Variants in SLPI observed in about 807,000 individuals in gnomAD.
SLPI encodes the protein secretory leukocyte peptidase inhibitor.
SLPI carries 20 observed loss-of-function variants against 14.3 expected under a neutral mutation model. The ratio of observed to expected loss-of-function variants is 1.40; its 90% CI spans 0.99 to 2.04. SLPI has a LOEUF of 2.04. Among genes scored for constraint, SLPI ranks in the 30% most tolerant of loss-of-function variants. The pLI, the probability that SLPI is intolerant of heterozygous loss-of-function variation, is 0.00. For synonymous variants in SLPI, 68 were observed against 54.8 expected (o/e 1.24, Z -1.07); for missense variants, 169 against 159.4 (o/e 1.06, Z -0.32).
chr20:45,253,530 G>A (rs1391864726), intron 2 of SLPI, 45 bp downstream of exon 2: 1 of 1,579,808 alleles, frequency 6.3e-7, no homozygotes, highest in Admixed American at 1.7e-5. Flanking sequence ...CTAATGCTGT[G>A]TCCCCAGGCT....
chr20:45,253,172 CGGTCAGA>C (rs1568852735), intron 2 of SLPI, 21 bp from the exon 3 acceptor site: 6 of 1,611,446 alleles, frequency 3.7e-6, no homozygotes, highest in Non-Finnish European at 5.1e-6. Flanking sequence ...GTGAGGCTAC[CGGTCAGA>C]GGCCTTGTAC....
chr20:45,252,349 T>A lies in SLPI; in HGVS notation c.*66A>T, dbSNP rs1984685393. The A allele has an allele frequency of 6.4e-7, 1 of 1,559,682 alleles. No homozygotes were observed. Among genetic ancestry groups the A allele is most frequent in the African/African-American group, 1.4e-5 (1 of 73,136 alleles). ...GGAGGATATCAGTGGTGGAGCCAAGTCTCAGGGTGGAAAGGACCTGGACCA... is the reference window on the plus strand; with the variant it reads ...GGAGGATATCAGTGGTGGAGCCAAGACTCAGGGTGGAAAGGACCTGGACCA... On this transcript the variant is annotated 3_prime_UTR_variant, in exon 4 of 4. Coordinates refer to ENST00000338380, the MANE Select transcript of SLPI (RefSeq NM_003064.4).
intron 2 of SLPI, 66 bp downstream of exon 2, chr20:45,253,509 G>T (rs1568852889): frequency 6.7e-7 from 1 of 1,488,244 alleles, no homozygotes; most frequent in East Asian, 2.3e-5. Context: ...CCATCACCCA[G>T]TTCCATCCCT....
chr20:45,253,013 G>A lies in SLPI; in HGVS notation c.383C>T (p.Ser128Phe), dbSNP rs1191379009. Reference protein sequence around the residue: ...CMGMCGKSCVSPVKA With the variant: ...CMGMCGKSCVFPVKA ...CATCCCCTGCTTACCTTTCACAGGG[G>A]AAACGCAGGATTTCCCACACATGCC... Residue 128 changes from serine to phenylalanine, a missense_variant, in exon 3 of 4, where the codon TCC becomes TTC. Transcript: ENST00000338380. 4.3e-6 allele frequency: 7 copies of A among 1,613,894 alleles called. No individual in the cohort carries two copies. In the African/African-American group the frequency reaches 9.3e-5, roughly 22 times the overall value.
intron 2 of SLPI, 124 bp from the exon 3 acceptor site, chr20:45,253,275 TCAC>T (rs1462052945): frequency 8.6e-7 from 1 of 1,166,514 alleles, no homozygotes; most frequent in Non-Finnish European, 1.2e-6. Context: ...CCCACCTCTA[TCAC>T]CACCACCTTC....
In SLPI at chr20:45,252,459, C is replaced by T. The variant is rs767940465; in HGVS notation, c.395-40G>A. ...CAGATAAGAGCTTCAGCATAGAAAC[C>T]AGCCAAATCATATCCACATCCTTCC... is the stretch of plus-strand genomic sequence containing the variant. On this transcript the variant is annotated intron_variant, in intron 3 of 3. Transcript: ENST00000338380. 6.2e-6 allele frequency: 10 copies of T among 1,611,522 alleles called. No homozygotes were observed. The Admixed American group carries it at 1.5e-4, about 24-fold the overall frequency.
At chr20:45,253,510 T>A in intron 2 of SLPI, 65 bp downstream of exon 2, 1 of 1,492,230 alleles carries the variant, frequency 6.7e-7, no homozygotes, top group Non-Finnish European at 9.2e-7. Context: ...CATCACCCAG[T>A]TCCATCCCTC....
intron 2 of SLPI, 103 bp from the exon 3 acceptor site, chr20:45,253,254 A>G: frequency 7.4e-7 from 1 of 1,346,410 alleles, no homozygotes; most frequent in Non-Finnish European, 1.0e-6. Context: ...AGCAGGGGGG[A>G]TCATCCCCTC....
At chr20:45,254,176 A>T (rs773101212) in intron 1 of SLPI, among the ~76,000 whole-genome samples, 6 of 151,002 alleles carry the variant, frequency 4.0e-5, no homozygotes, top group Non-Finnish European at 7.4e-5. Flanking sequence ...AGTCGCAGAC[A>T]GGTGAAGAAG....
At chr20:45,253,209 C>T in intron 2 of SLPI, 58 bp from the exon 3 acceptor site, 1 of 1,571,524 alleles carries the variant, frequency 6.4e-7, no homozygotes, top group Non-Finnish European at 8.7e-7. Context: ...CCCCTCCCAT[C>T]CCCACTTTTT....
chr20:45,252,525 A>G (rs1984690788), intron 3 of SLPI, 106 bp from the exon 4 acceptor site: 1 of 1,161,576 alleles, frequency 8.6e-7, no homozygotes, highest in African/African-American at 1.5e-5. Flanking sequence ...AAATAGCAAG[A>G]TAGCGCTATA....
rs142807347 is a variant in SLPI, at chr20:45,252,452, T to G, written c.395-33A>C. On this transcript the variant is annotated intron_variant, in intron 3 of 3. Coordinates refer to ENST00000338380, the MANE Select transcript of SLPI (RefSeq NM_003064.4). ...AGAAAATCAGATAAGAGCTTCAGCATAGAAACCAGCCAAATCATATCCACA... is the reference window on the plus strand; with the variant it reads ...AGAAAATCAGATAAGAGCTTCAGCAGAGAAACCAGCCAAATCATATCCACA... 1,283 of 1,613,116 alleles carry G rather than the reference T, an allele frequency of 8.0e-4. 8 individuals carry two copies. In the African/African-American group the frequency reaches 0.015, roughly 19 times the overall value.
At position 45,254,489 on chromosome 20, in the gene SLPI, C is replaced by T; in HGVS notation, c.55G>A (p.Ala19Thr). ...CCAGAGCCTTCCACAGCCCAAGGTG[C>T]CAGAGTTCCCAGGGCAAGCAGCACC... ...FLVLLALGTL[A>T]PWAVEGSGKS... Residue 19 changes from alanine to threonine, a missense_variant, in exon 1 of 4, where the codon GCA becomes ACA. Transcript: ENST00000338380. 6.2e-7 allele frequency: 1 copy of T among 1,614,142 alleles called. No homozygotes were observed. The highest frequency in any genetic ancestry group is 1.7e-5 in the Admixed American group (1 of 60,004).
chr20:45,252,258 G>T lies in SLPI; in HGVS notation c.*157C>A. ...AGGATGTGCAAAGAGAAATAGGCTC[G>T]TTTATTTATTCATTGATCAACTGGC... On this transcript the variant is annotated 3_prime_UTR_variant, in exon 4 of 4. Coordinates refer to ENST00000338380, the MANE Select transcript of SLPI (RefSeq NM_003064.4). The T allele has an allele frequency of 1.6e-6, 1 of 624,484 alleles. No homozygotes were observed. Among genetic ancestry groups the T allele is most frequent in the Non-Finnish European group, 2.8e-6 (1 of 362,898 alleles). The allele number at this position is 624,484 out of a possible 1,614,324, so 38.7% of individuals were successfully genotyped here.
chr20:45,254,211 G>GAGAGAGAGAC (rs1249049550), intron 1 of SLPI, among the ~76,000 whole-genome samples: 3 of 151,398 alleles, frequency 2.0e-5, no homozygotes, highest in African/African-American at 7.3e-5. Flanking sequence ...GAGAGAGAGA[G>GAGAGAGAGAC]AGAGAGAGAG....
Position 45,253,046 on chromosome 20 carries a change from C to A in SLPI, c.350G>T (p.Cys117Phe). 1 of 1,614,216 alleles carries A rather than the reference C, an allele frequency of 6.2e-7. No homozygotes were observed. The highest frequency in any genetic ancestry group is 1.3e-5 in the African/African-American group (1 of 75,058). The change falls in exon 3 of 4, where the codon TGT (cysteine) becomes TTT (phenylalanine). Residue 117 changes from cysteine (C) to phenylalanine (F), a missense_variant. Transcript: ENST00000338380. ...GGATTTCCCACACATGCCCATGCAA[C>A]ACTTCAAGTCACGCTTGCACTGGCC... The part of the protein sequence containing the change: ...MDGQCKRDLK[C>F]CMGMCGKSCV...
Position 45,252,302 on chromosome 20 carries a change from G to C in SLPI, c.*113C>G. The C allele has an allele frequency of 1.0e-6, 1 of 964,634 alleles. No homozygotes were observed. The highest frequency in any genetic ancestry group is 1.6e-5 in the South Asian group (1 of 63,920). The allele number at this position is 964,634 out of a possible 1,614,324, so 59.8% of individuals were successfully genotyped here. A position where few individuals can be genotyped will look rare whatever the true frequency, so the allele number is the denominator to read the frequency against. On this transcript the variant is annotated 3_prime_UTR_variant, in exon 4 of 4. Coordinates refer to ENST00000338380, the MANE Select transcript of SLPI (RefSeq NM_003064.4). Reference sequence around the variant, plus strand: ...AACTGGCACTTCTTGAAAGCCTGCTGTGTGCCAAGCCTTTCCCCAAAGGAG... The same window carrying C: ...AACTGGCACTTCTTGAAAGCCTGCTCTGTGCCAAGCCTTTCCCCAAAGGAG...
chr20:45,253,070 C>T lies in SLPI; in HGVS notation c.326G>A (p.Gly109Asp), dbSNP rs1375732546. 3 of 1,613,848 alleles carry T rather than the reference C, an allele frequency of 1.9e-6. No individual in the cohort carries two copies. In the East Asian group the frequency reaches 6.7e-5, roughly 36 times the overall value. ...ACACTTCAAGTCACGCTTGCACTGG[C>T]CATCCATCTCACAGAAATTGGGGGG... Reference protein sequence around the residue: ...LNPPNFCEMDGQCKRDLKCCM... With the variant: ...LNPPNFCEMDDQCKRDLKCCM... Residue 109 changes from glycine (G) to aspartate (D), a missense_variant, in exon 3 of 4, where the codon GGC becomes GAC. Gly to Asp is a moderately conservative substitution (Grantham distance 94, BLOSUM62 -1). Transcript: ENST00000338380.
intron 2 of SLPI, 127 bp downstream of exon 2, chr20:45,253,448 G>A: frequency 1.0e-6 from 1 of 952,884 alleles, no homozygotes; most frequent in Non-Finnish European, 1.6e-6. Context: ...CTACCTTCCT[G>A]CTTAGGGCAG....
Sources: allele counts gnomAD v4.1 joint callset (sites outside exome capture counted in the v4.1 genomes callset), GRCh38; gene constraint gnomAD v4.1.1; transcripts MANE v1.5; gene names NCBI Gene and HGNC (gene_info 2026-07-23, HGNC 2026-07-21).